SLC38A10: variants seen among roughly 807,000 people sequenced by gnomAD.
The protein encoded by SLC38A10 is Sodium-coupled neutral amino acid transporter 10.
SLC38A10 carries 53 observed loss-of-function variants against 81.0 expected under a neutral mutation model. The observed-to-expected ratio is 0.65, with a 90% confidence interval of 0.53 to 0.82. SLC38A10 has a LOEUF of 0.82. Ranked by LOEUF, SLC38A10 falls within the 40% of genes least tolerant of loss-of-function variation. The probability of loss-of-function intolerance (pLI) is 0.00; values close to 1 mark genes in which losing one functional copy is unlikely to be tolerated. For missense variants in SLC38A10, 1,471 were observed against 1,545.0 expected (o/e 0.95, Z 0.80); for synonymous variants, 665 against 655.3 (o/e 1.01, Z -0.23).
Position 81,260,287 on chromosome 17 carries a change from C to T in SLC38A10, c.1239G>A (p.Arg413=), listed in dbSNP as rs371668609. The change falls in exon 11 of 16, where the codon CGG becomes CGA. Residue 413 remains arginine, a synonymous_variant. Coordinates refer to ENST00000374759, the MANE Select transcript of SLC38A10 (RefSeq NM_001037984.3). The part of the protein sequence containing the change: ...EDLAEEAPGG[R]LGEAEGLMKV... ...TCATCAAACCCTCGGCCTCTCCAAG[C>T]CGGCCGCCAGGGGCTTCCTCTGCCA... The T allele has an allele frequency of 1.4e-4, 220 of 1,606,358 alleles. No individual in the cohort carries two copies. The highest frequency in any genetic ancestry group is 1.7e-4 in the Non-Finnish European group (203 of 1,177,426).
Position 81,289,914 on chromosome 17 carries a change from C to T in SLC38A10, c.100-106G>A. The T allele has an allele frequency of 1.1e-6, 1 of 882,778 alleles. No individual in the cohort carries two copies. Among genetic ancestry groups the T allele is most frequent in the Non-Finnish European group, 1.7e-6 (1 of 599,252 alleles). 54.7% of individuals were successfully genotyped at this position (882,778 alleles called of 1,614,324 possible). On this transcript the variant is annotated intron_variant, in intron 1 of 15. Transcript: ENST00000374759. The surrounding 1 kb of genome is among the most constrained non-coding windows in gnomAD (Gnocchi z 5.9). ...GGACCCTCTTCACCCCCAGGCCCCG[C>T]TCCATCCCAGTCTCCTGCCGAACGC...
intron 10 of SLC38A10, among the ~76,000 whole-genome samples, chr17:81,261,598 G>A (rs2063024157): frequency 6.6e-6 from 1 of 152,248 alleles, no homozygotes; most frequent in Non-Finnish European, 1.5e-5. Context: ...CGTGCTCTCC[G>A]AAGCTGGTGG....
intron 8 of SLC38A10, among the ~76,000 whole-genome samples, chr17:81,275,689 G>A (rs572510353): frequency 3.6e-5 from 5 of 137,714 alleles, no homozygotes; most frequent in African/African-American, 1.5e-4. Flanking sequence ...TCGAGATCGC[G>A]CCACTGCACT....
chr17:81,282,414 C>A (rs1292871306), intron 4 of SLC38A10, 82 bp from the exon 5 acceptor site: 2 of 1,516,742 alleles, frequency 1.3e-6, no homozygotes. Context: ...GGAGTGGGAG[C>A]GCCCCGAGCC....
intron 14 of SLC38A10, chr17:81,250,118 C>G (rs529578023): frequency 2.3e-6 from 3 of 1,285,800 alleles, no homozygotes; most frequent in Non-Finnish European, 3.0e-6. Context: ...GAGAGGCATA[C>G]GGAAGAAAGG....
At position 81,246,445 on chromosome 17, in the gene SLC38A10, G is replaced by C. The variant is rs967015966; in HGVS notation, c.2471C>G (p.Thr824Arg). ...PAGPPDGGPD[T>R]EPRAAQAKLR... ...CTTGGCCTGGGCTGCCCGAGGCTCT[G>C]TGTCAGGGCCGCCGTCAGGAGGGCC... The change falls in exon 16 of 16, where the codon ACA (threonine) becomes AGA (arginine). Residue 824 changes from threonine (T) to arginine (R), a missense_variant. Physicochemically the swap from Thr to Arg is moderately conservative, Grantham distance 71 (BLOSUM62 -1). Transcript: ENST00000374759. 3 of 1,592,062 alleles carry C rather than the reference G, an allele frequency of 1.9e-6. No individual in the cohort carries two copies. Among genetic ancestry groups the C allele is most frequent in the Non-Finnish European group, 8.5e-7 (1 of 1,169,754 alleles).
chr17:81,287,508 G>A (rs954177395), intron 2 of SLC38A10, among the ~76,000 whole-genome samples: 1 of 152,250 alleles, frequency 6.6e-6, no homozygotes, highest in Non-Finnish European at 1.5e-5. Flanking sequence ...TGCAGCTGAC[G>A]CGGAGCAGCT....
chr17:81,271,139 T>C (rs2063112275), intron 9 of SLC38A10, 115 bp from the exon 10 acceptor site: 1 of 855,760 alleles, frequency 1.2e-6, no homozygotes, highest in Admixed American at 2.3e-5. Flanking sequence ...AAATGCCGTC[T>C]AGGCGTGAGC....
intron 8 of SLC38A10, among the ~76,000 whole-genome samples, chr17:81,273,283 C>T (rs762678500): frequency 1.2e-4 from 18 of 152,182 alleles, no homozygotes; most frequent in Non-Finnish European, 1.6e-4. Context: ...TGGCCTCAGA[C>T]GCCACCTGCC....
At chr17:81,247,685 A>C (rs976612769) in intron 14 of SLC38A10, 2 of 151,732 alleles carry the variant, frequency 1.3e-5, no homozygotes, top group African/African-American at 4.8e-5. Flanking sequence ...AAACAAAAAA[A>C]TAAAAATGAT....
Position 81,276,061 on chromosome 17 carries a change from G to A in SLC38A10, c.820C>T (p.Arg274Cys), listed in dbSNP as rs201350859. The A allele has an allele frequency of 3.0e-5, 48 of 1,613,952 alleles. No individual in the cohort carries two copies. The highest frequency in any genetic ancestry group is 1.6e-4 in the Middle Eastern group (1 of 6,062). ...FPSNLVTEML[R>C]VGFMMSVAVG... is the part of the protein sequence containing the mutation. ...GCCACTGACATCATGAAGCCCACAC[G>A]GAGCATCTCCGTCACCAGGTTGGAG... The change falls in exon 8 of 16, where the codon CGT becomes TGT. Residue 274 changes from arginine (R) to cysteine (C), a missense_variant. Around this residue, in one of 2 missense-constraint regions of SLC38A10, gnomAD observed 720 missense variants for 827.7 expected, o/e 0.87. Coordinates refer to ENST00000374759, the MANE Select transcript of SLC38A10 (RefSeq NM_001037984.3). This position sits in a 1 kb window ranked among gnomAD's most constrained non-coding sequence, Gnocchi z 4.7.
rs2062844498 is a variant in SLC38A10, at chr17:81,245,881, G to T, written c.3035C>A (p.Pro1012His). ...RGGEDAAVQE[P>H]RQRPEPELGL... is the part of the protein sequence containing the mutation. ...CAGCTCTGGCTCTGGCCTCTGCCTG[G>T]GCTCCTGGACAGCAGCGTCCTCCCC... The change falls in exon 16 of 16, where the codon CCC (proline) becomes CAC (histidine). Residue 1012 changes from proline (P) to histidine (H), a missense_variant. Around this residue, in one of 2 missense-constraint regions of SLC38A10, gnomAD observed 751 missense variants for 717.4 expected, o/e 1.05. Transcript: ENST00000374759. 1 of 1,612,156 alleles carries T rather than the reference G, an allele frequency of 6.2e-7. No individual in the cohort carries two copies. Among genetic ancestry groups the T allele is most frequent in the African/African-American group, 1.3e-5 (1 of 74,932 alleles).
At chr17:81,287,192 G>C (rs1451719545) in intron 2 of SLC38A10, among the ~76,000 whole-genome samples, 1 of 152,170 alleles carries the variant, frequency 6.6e-6, no homozygotes, top group East Asian at 1.9e-4. Flanking sequence ...GGAGGACAGC[G>C]GGGAGGGTAA....
In SLC38A10 at chr17:81,270,957, C is replaced by T. The variant is rs746614507; in HGVS notation, c.1092G>A (p.Leu364=). Residue 364 remains leucine (L), a synonymous_variant, in exon 10 of 16, where the codon CTG becomes CTA. Coordinates refer to ENST00000374759, the MANE Select transcript of SLC38A10 (RefSeq NM_001037984.3). The surrounding 1 kb of genome is among the most constrained non-coding windows in gnomAD (Gnocchi z 4.0). The part of the protein sequence containing the change: ...GSLICFICPA[L]IYKKIHKNAL... ...CGTTCTTGTGGATTTTCTTGTAGAT[C>T]AGCGCCGGGCAGATGAAGCAGATGA... is the stretch of plus-strand genomic sequence containing the variant. 1 of 1,613,912 alleles carries T rather than the reference C, an allele frequency of 6.2e-7. No homozygotes were observed. The highest frequency in any genetic ancestry group is 1.1e-5 in the South Asian group (1 of 91,086).
chr17:81,280,512 G>A, intron 6 of SLC38A10, 97 bp downstream of exon 6: 2 of 1,534,440 alleles, frequency 1.3e-6, no homozygotes, highest in African/African-American at 1.4e-5. Flanking sequence ...AGCCAGCAAA[G>A]AGCGATCACA....
chr17:81,253,341 G>A lies in SLC38A10; in HGVS notation c.1289-101C>T. The stretch of plus-strand genomic sequence containing the variant: ...CCATATTTTCCAGCCAAATGGCAGA[G>A]TCAAAGCAGTTTCTTTTTCCTGTTC... On this transcript the variant is annotated intron_variant, in intron 11 of 15. Transcript: ENST00000374759. The surrounding 1 kb of genome is among the most constrained non-coding windows in gnomAD (Gnocchi z 4.1). 2 of 1,394,342 alleles carry A rather than the reference G, an allele frequency of 1.4e-6. No homozygotes were observed. The highest frequency in any genetic ancestry group is 1.9e-6 in the Non-Finnish European group (2 of 1,037,508). 86.4% of individuals were successfully genotyped at this position (1,394,342 alleles called of 1,614,324 possible). A position where few individuals can be genotyped will look rare whatever the true frequency, so the allele number is the denominator to read the frequency against.
intron 5 of SLC38A10, 143 bp from the exon 6 acceptor site, chr17:81,280,876 G>T (rs959895185): frequency 3.4e-6 from 4 of 1,170,030 alleles, no homozygotes; most frequent in Admixed American, 3.2e-5. Context: ...ACCCTGTGCC[G>T]CCCTGTGCCG....
At chr17:81,259,635 G>A (rs1031730052) in intron 11 of SLC38A10, among the ~76,000 whole-genome samples, 1 of 152,162 alleles carries the variant, frequency 6.6e-6, no homozygotes, top group African/African-American at 2.4e-5. Flanking sequence ...CAGGAAACAC[G>A]CATCTCTGCA....
At chr17:81,287,246 C>T (rs2063275265) in intron 2 of SLC38A10, among the ~76,000 whole-genome samples, 1 of 152,210 alleles carries the variant, frequency 6.6e-6, no homozygotes, top group African/African-American at 2.4e-5. Context: ...CCCGAGGAAC[C>T]ATTACACCGC....
Sources: gnomAD v4.1 joint callset for allele counts (sites outside exome capture counted in the v4.1 genomes callset) on GRCh38, gnomAD v4.1.1 for gene constraint, gnomAD v4.1.1 regional missense constraint, Gnocchi (gnomAD v3.1) non-coding constraint, MANE v1.5 for transcripts, NCBI Gene and HGNC (gene_info 2026-07-23, HGNC 2026-07-21) for gene names.